The following MFF variants were observed in gnomAD, a reference collection of about 807,000 sequenced individuals.
The protein encoded by MFF is mitochondrial fission factor, also known as chromosome 2 open reading frame 33.
A neutral mutation model predicts 36.9 loss-of-function variants in MFF; 12 were observed. That is an observed-to-expected ratio of 0.33 (90% CI 0.21 to 0.53). The LOEUF (loss-of-function observed/expected upper bound fraction) is 0.53, where lower values mean the gene tolerates loss of function less well. Among genes scored for constraint, MFF ranks in the 20% least tolerant of loss-of-function variants. The pLI, the probability that MFF is intolerant of heterozygous loss-of-function variation, is 0.95. For synonymous variants in MFF, 99 were observed against 126.2 expected, an observed-to-expected ratio of 0.78 and a Z score of 1.44; for missense variants, 348 against 366.6, an observed-to-expected ratio of 0.95 and a Z score of 0.42.
intron 2 of MFF, chr2:227,329,649 A>G (rs971638031): frequency 3.5e-6 from 3 of 854,988 alleles, no homozygotes; most frequent in Non-Finnish European, 6.0e-6. Flanking sequence ...CTCCAAAAAA[A>G]GTTCAAATGT....
chr2:227,344,725 TAAA>T (rs5839205), intron 5 of MFF, among the ~76,000 whole-genome samples: 1 of 150,112 alleles, frequency 6.7e-6, no homozygotes, highest in African/African-American at 2.4e-5. Context: ...AGTCATCAAT[TAAA>T]AAAAAAAAAT....
At chr2:227,335,034 T>C (rs2074882434) in intron 4 of MFF, among the ~76,000 whole-genome samples, 1 of 151,712 alleles carries the variant, frequency 6.6e-6, no homozygotes, top group Admixed American at 6.6e-5. Flanking sequence ...CTGGGCATGG[T>C]GGTGTGGACG....
At chr2:227,339,227 A>G (rs903280441) in intron 4 of MFF, among the ~76,000 whole-genome samples, 9 of 152,174 alleles carry the variant, frequency 5.9e-5, no homozygotes, top group Admixed American at 3.3e-4. Flanking sequence ...GGTATTTTCA[A>G]ATAAGCAGAA....
At chr2:227,327,573 A>G (rs1255760100) in intron 1 of MFF, among the ~76,000 whole-genome samples, 2 of 152,220 alleles carry the variant, frequency 1.3e-5, no homozygotes, top group Non-Finnish European at 1.5e-5. Flanking sequence ...AGAAGTTGGC[A>G]TTTCAGCATC....
Position 227,330,737 on chromosome 2 carries a change from A to T in MFF, c.72A>T (p.Pro24=). 6.2e-7 allele frequency: 1 copy of T among 1,614,260 alleles called. No individual in the cohort carries two copies. Among genetic ancestry groups the T allele is most frequent in the East Asian group, 2.2e-5 (1 of 44,886 alleles). Residue 24 remains proline (P), a synonymous_variant, in exon 3 of 9, where the codon CCA becomes CCT. Coordinates refer to ENST00000304593, the MANE Select transcript of MFF (RefSeq NM_001277062.2). ...TEGISQRMRV[P]EKLKVAPPNA... is the part of the protein sequence containing the mutation. ...GCATTAGTCAGCGAATGAGGGTCCC[A>T]GAAAAGTTAAAAGTAGCACCGCCAA...
chr2:227,325,697 G>C (rs895856050), intron 1 of MFF: 5 of 152,202 alleles, frequency 3.3e-5, no homozygotes, highest in African/African-American at 1.2e-4. Context: ...TGTGTGGTTC[G>C]GCGTCTCCTT....
intron 3 of MFF, 28 bp downstream of exon 3, chr2:227,330,874 C>T (rs763476572): frequency 1.4e-6 from 2 of 1,476,288 alleles, no homozygotes; most frequent in Admixed American, 1.8e-5. Flanking sequence ...AGAAGGTTGC[C>T]TGTTAAATCT....
intron 5 of MFF, among the ~76,000 whole-genome samples, chr2:227,343,487 G>A (rs1574956463): frequency 6.6e-6 from 1 of 152,092 alleles, no homozygotes; most frequent in Non-Finnish European, 1.5e-5. Context: ...TATGCTTCCA[G>A]GAACTATTCA....
Position 227,357,535 on chromosome 2 carries a change from T to TTTA in MFF, c.*419_*420insTAT, listed in dbSNP as rs539298845. 826 of 156,550 alleles carry TTTA rather than the reference T, an allele frequency of 5.3e-3. 3 individuals carry two copies. The highest frequency in any genetic ancestry group is 9.0e-3 in the Non-Finnish European group (631 of 70,384). The allele number at this position is 156,550 out of a possible 1,614,324, so 9.7% of individuals were successfully genotyped here. A position where few individuals can be genotyped will look rare whatever the true frequency, so the allele number is the denominator to read the frequency against. On this transcript the variant is annotated 3_prime_UTR_variant, in exon 9 of 9. Transcript: ENST00000304593. ...TCTCAAACAGTGTTAAGCAGTTTTG[T>TTTA]TAATAGACATTTTTGCATCGACACT...
chr2:227,337,961 CTT>C, intron 4 of MFF, among the ~76,000 whole-genome samples: 1 of 151,948 alleles, frequency 6.6e-6, no homozygotes, highest in East Asian at 1.9e-4. Flanking sequence ...ATGAAAATCT[CTT>C]GAACCCGGGA....
At chr2:227,335,949 T>G (rs2074968272) in intron 4 of MFF, among the ~76,000 whole-genome samples, 1 of 152,236 alleles carries the variant, frequency 6.6e-6, no homozygotes, top group Non-Finnish European at 1.5e-5. Flanking sequence ...AACCATGTGA[T>G]CTGGGCATGA....
intron 4 of MFF, among the ~76,000 whole-genome samples, chr2:227,336,851 C>G (rs540165350): frequency 6.6e-6 from 1 of 152,170 alleles, no homozygotes; most frequent in Admixed American, 6.5e-5. Flanking sequence ...GATATGACAA[C>G]GCTAAGGATG....
At chr2:227,339,365 G>C (rs770414878) in intron 4 of MFF, among the ~76,000 whole-genome samples, 1 of 152,168 alleles carries the variant, frequency 6.6e-6, no homozygotes, top group African/African-American at 2.4e-5. Context: ...TGCAGTTGCC[G>C]TGAAGGGAAA....
At chr2:227,339,958 C>T (rs2075293693) in intron 4 of MFF, among the ~76,000 whole-genome samples, 1 of 152,072 alleles carries the variant, frequency 6.6e-6, no homozygotes, top group Admixed American at 6.5e-5. Context: ...ATAAATTGTT[C>T]TTATAAATAA....
At chr2:227,332,120 C>A (rs1209706324) in intron 3 of MFF, among the ~76,000 whole-genome samples, 1 of 147,646 alleles carries the variant, frequency 6.8e-6, no homozygotes, top group African/African-American at 2.5e-5. Flanking sequence ...TACAGGCGCC[C>A]GCCACTACGC....
intron 4 of MFF, among the ~76,000 whole-genome samples, chr2:227,335,552 G>T (rs1222251573): frequency 1.3e-5 from 2 of 152,180 alleles, no homozygotes; most frequent in Non-Finnish European, 2.9e-5. Flanking sequence ...TCCAGACATT[G>T]CCAAATGTTC....
At chr2:227,328,866 G>A (rs547681236) in intron 2 of MFF, 77 bp downstream of exon 2, 3 of 129,552 alleles carry the variant, frequency 2.3e-5, no homozygotes, top group African/African-American at 1.1e-4. Context: ...AAAGATCTAT[G>A]TCCCCAGAGA....
intron 1 of MFF, among the ~76,000 whole-genome samples, chr2:227,328,280 A>G (rs2074311269): frequency 2.8e-5 from 4 of 142,086 alleles, no homozygotes; most frequent in South Asian, 2.3e-4. Flanking sequence ...CTCCATTGCA[A>G]TCTAGCCCGG....
chr2:227,346,996 A>G (rs923538644), intron 5 of MFF: 2 of 396,752 alleles, frequency 5.0e-6, no homozygotes. Flanking sequence ...TTTCATATTC[A>G]GTTTATTTAT....
Sources: allele counts gnomAD v4.1 joint callset (sites outside exome capture counted in the v4.1 genomes callset), GRCh38; gene constraint gnomAD v4.1.1; transcripts MANE v1.5; gene names NCBI Gene and HGNC (gene_info 2026-07-23, HGNC 2026-07-21).